Variants in PCDHB3 observed in about 807,000 individuals in gnomAD.
The protein encoded by PCDHB3 is protocadherin beta-3.
For synonymous variants in PCDHB3, 479 were observed against 456.0 expected (o/e 1.05, Z -0.64); for missense variants, 967 against 1,012.1 (o/e 0.96, Z 0.60).
Position 141,102,542 on chromosome 5 carries a change from C to T in PCDHB3, c.1893C>T (p.Ser631=), listed in dbSNP as rs13180104. ...AAGTGCGCACCGCCAGGCTGCTGAG[C>T]GAGCGCGACGCGGCCAAGCACAGGC... The part of the protein sequence containing the change: ...NGEVRTARLL[S]ERDAAKHRLV... Residue 631 remains serine, a synonymous_variant, in exon 1 of 1, where the codon AGC becomes AGT. Transcript: ENST00000231130. 1.9e-6 allele frequency: 3 copies of T among 1,608,370 alleles called. No homozygotes were observed. Among genetic ancestry groups the T allele is most frequent in the Non-Finnish European group, 1.7e-6 (2 of 1,179,624 alleles).
rs1271727349 is a variant in PCDHB3, at chr5:141,102,199, G to A, written c.1550G>A (p.Arg517Lys). The A allele has an allele frequency of 9.3e-6, 15 of 1,612,764 alleles. No homozygotes were observed. The Middle Eastern group carries it at 9.8e-4, about 105-fold the overall frequency. ...NADNGHLFAL[R>K]SLDYEALQAF... ...GACAACGGCCACCTGTTTGCCCTCAGGTCGCTGGACTACGAGGCCCTGCAG... is the reference window on the plus strand; with the variant it reads ...GACAACGGCCACCTGTTTGCCCTCAAGTCGCTGGACTACGAGGCCCTGCAG... The change falls in exon 1 of 1, where the codon AGG becomes AAG. Residue 517 changes from arginine to lysine, a missense_variant. Physicochemically the swap from Arg to Lys is conservative, Grantham distance 26 (BLOSUM62 2). Coordinates refer to ENST00000231130, the MANE Select transcript of PCDHB3 (RefSeq NM_018937.5).
In PCDHB3 at chr5:141,102,299, G is replaced by C. The variant is rs868976067; in HGVS notation, c.1650G>C (p.Leu550=). 6.2e-7 allele frequency: 1 copy of C among 1,611,606 alleles called. No homozygotes were observed. The highest frequency in any genetic ancestry group is 1.1e-5 in the South Asian group (1 of 90,980). ...GCAGCGAGGCGCTGGTGCGCGTGCT[G>C]GTGCTGGACGCCAACGACAACTCGC... The part of the protein sequence containing the change: ...ALSSEALVRV[L]VLDANDNSPF... Residue 550 remains leucine, a synonymous_variant, in exon 1 of 1, where the codon CTG becomes CTC. Transcript: ENST00000231130.
Position 141,101,869 on chromosome 5 carries a change from G to T in PCDHB3, c.1220G>T (p.Gly407Val). 1 of 1,613,920 alleles carries T rather than the reference G, an allele frequency of 6.2e-7. No individual in the cohort carries two copies. ...VENFYTLVSE[G>V]ALDRETRSEY... ...AATTTTTACACCCTAGTGTCAGAAG[G>T]CGCGCTGGACAGAGAGACCAGATCC... The change falls in exon 1 of 1, where the codon GGC becomes GTC. Residue 407 changes from glycine (G) to valine (V), a missense_variant. Transcript: ENST00000231130.
In PCDHB3 at chr5:141,101,676, A is replaced by G; in HGVS notation, c.1027A>G (p.Asn343Asp). ...AGTCCAGGTGGTTGATGTCAACGACAACCCACCGGAACTGACCTTGTCTTC... is the reference window on the plus strand; with the variant it reads ...AGTCCAGGTGGTTGATGTCAACGACGACCCACCGGAACTGACCTTGTCTTC... ...VIVQVVDVND[N>D]PPELTLSSVN... Residue 343 changes from asparagine to aspartate, a missense_variant, in exon 1 of 1, where the codon AAC becomes GAC. Physicochemically the swap from Asn to Asp is conservative, Grantham distance 23. Coordinates refer to ENST00000231130, the MANE Select transcript of PCDHB3 (RefSeq NM_018937.5). 1 of 1,614,016 alleles carries G rather than the reference A, an allele frequency of 6.2e-7. No individual in the cohort carries two copies.
chr5:141,103,318 TCTC>T lies in PCDHB3; in HGVS notation c.*281_*283del, dbSNP rs1482332931. On this transcript the variant is annotated 3_prime_UTR_variant, in exon 1 of 1. Coordinates refer to ENST00000231130, the MANE Select transcript of PCDHB3 (RefSeq NM_018937.5). ...TTTTCTGTAGTTAATCCTTGCATAT[TCTC>T]CTTTCATCCTGGCTTGCCAACGCAG... 2 of 301,844 alleles carry T rather than the reference TCTC, an allele frequency of 6.6e-6. No homozygotes were observed. Among genetic ancestry groups the T allele is most frequent in the African/African-American group, 4.3e-5 (2 of 46,352 alleles). The allele number at this position is 301,844 out of a possible 1,614,324, so 18.7% of individuals were successfully genotyped here.
Position 141,100,725 on chromosome 5 carries a change from G to T in PCDHB3, c.76G>T (p.Ala26Ser). ...LLFVFLGGSL[A>S]GSESRRYSVA... ...CTTTGTTTTTCTGGGAGGGTCTCTG[G>T]CTGGGTCCGAGTCAAGACGCTATTC... Residue 26 changes from alanine (A) to serine (S), a missense_variant, in exon 1 of 1, where the codon GCT becomes TCT. Physicochemically the swap from Ala to Ser is moderately conservative, Grantham distance 99 (BLOSUM62 1). Coordinates refer to ENST00000231130, the MANE Select transcript of PCDHB3 (RefSeq NM_018937.5). The T allele has an allele frequency of 6.2e-7, 1 of 1,614,064 alleles. No individual in the cohort carries two copies. Among genetic ancestry groups the T allele is most frequent in the Non-Finnish European group, 8.5e-7 (1 of 1,180,010 alleles).
chr5:141,103,179 A>T lies in PCDHB3; in HGVS notation c.*139A>T. On this transcript the variant is annotated 3_prime_UTR_variant, in exon 1 of 1. Transcript: ENST00000231130. ...ATAGAGCAAAATATCAAATCCAGGG[A>T]TGGCTTAGGTTTCATTAACAGTACT... 2 of 985,976 alleles carry T rather than the reference A, an allele frequency of 2.0e-6. No individual in the cohort carries two copies. Among genetic ancestry groups the T allele is most frequent in the Non-Finnish European group, 3.0e-6 (2 of 667,782 alleles). 61.1% of individuals were successfully genotyped at this position (985,976 alleles called of 1,614,324 possible). A position where few individuals can be genotyped will look rare whatever the true frequency, so the allele number is the denominator to read the frequency against.
Position 141,100,559 on chromosome 5 carries a change from C to G in PCDHB3, c.-91C>G, listed in dbSNP as rs1302008332. On this transcript the variant is annotated 5_prime_UTR_variant, in exon 1 of 1. Transcript: ENST00000231130. Reference sequence around the variant, plus strand: ...TGGAAAGGCTTATTCACTAGGCCGTCTACAAAGGTTGTGGGGCAAAAGACT... The same window carrying G: ...TGGAAAGGCTTATTCACTAGGCCGTGTACAAAGGTTGTGGGGCAAAAGACT... 17 of 1,044,000 alleles carry G rather than the reference C, an allele frequency of 1.6e-5. No individual in the cohort carries two copies. Among genetic ancestry groups the G allele is most frequent in the Non-Finnish European group, 2.3e-5 (16 of 705,200 alleles). 64.7% of individuals were successfully genotyped at this position (1,044,000 alleles called of 1,614,324 possible). A position where few individuals can be genotyped will look rare whatever the true frequency, so the allele number is the denominator to read the frequency against.
Position 141,102,272 on chromosome 5 carries a change from G to T in PCDHB3, c.1623G>T (p.Leu541Phe). The change falls in exon 1 of 1, where the codon TTG (leucine) becomes TTT (phenylalanine). Residue 541 changes from leucine (L) to phenylalanine (F), a missense_variant. Coordinates refer to ENST00000231130, the MANE Select transcript of PCDHB3 (RefSeq NM_018937.5). The part of the protein sequence containing the change: ...VGATDRGSPA[L>F]SSEALVRVLV... ...CCACAGACCGTGGCTCCCCGGCTTTGAGCAGCGAGGCGCTGGTGCGCGTGC... is the reference window on the plus strand; with the variant it reads ...CCACAGACCGTGGCTCCCCGGCTTTTAGCAGCGAGGCGCTGGTGCGCGTGC... The T allele has an allele frequency of 6.2e-7, 1 of 1,611,986 alleles. No individual in the cohort carries two copies. Among genetic ancestry groups the T allele is most frequent in the Non-Finnish European group, 8.5e-7 (1 of 1,179,790 alleles).
At position 141,103,147 on chromosome 5, in the gene PCDHB3, A is replaced by T; in HGVS notation, c.*107A>T. On this transcript the variant is annotated 3_prime_UTR_variant, in exon 1 of 1. Transcript: ENST00000231130. ...TTTTTTGGTCTGGTTCAAGGCAAGT[A>T]GCAAGAATAGAGCAAAATATCAAAT... The T allele has an allele frequency of 1.5e-6, 2 of 1,336,256 alleles. No individual in the cohort carries two copies. Among genetic ancestry groups the T allele is most frequent in the Non-Finnish European group, 2.1e-6 (2 of 973,130 alleles). The allele number at this position is 1,336,256 out of a possible 1,614,324, so 82.8% of individuals were successfully genotyped here.
chr5:141,100,951 C>A lies in PCDHB3; in HGVS notation c.302C>A (p.Pro101Gln). Residue 101 changes from proline (P) to glutamine (Q), a missense_variant, in exon 1 of 1, where the codon CCA (proline) becomes CAA (glutamine). Transcript: ENST00000231130. ...GAGGAGCTATGCGGCCCCACAGAACCATGCATACTACATTTTCAGATATTA... is the reference window on the plus strand; with the variant it reads ...GAGGAGCTATGCGGCCCCACAGAACAATGCATACTACATTTTCAGATATTA... The part of the protein sequence containing the change: ...DREELCGPTE[P>Q]CILHFQILLQ... 1 of 1,614,070 alleles carries A rather than the reference C, an allele frequency of 6.2e-7. No homozygotes were observed.
At position 141,101,301 on chromosome 5, in the gene PCDHB3, G is replaced by T; in HGVS notation, c.652G>T (p.Gly218Cys). ...CTTAACGCTCACCGCGCTGGACGGC[G>T]GCTCTCCCCCTCGGTCTGGGACAGC... is the stretch of plus-strand genomic sequence containing the variant. ...LSLTLTALDGGSPPRSGTAQI... is the reference protein window; with the variant it reads ...LSLTLTALDGCSPPRSGTAQI... Residue 218 changes from glycine to cysteine, a missense_variant, in exon 1 of 1, where the codon GGC becomes TGC. Gly to Cys is a radical substitution (Grantham distance 159). Transcript: ENST00000231130. The T allele has an allele frequency of 5.6e-6, 9 of 1,614,030 alleles. No individual in the cohort carries two copies. The highest frequency in any genetic ancestry group is 7.6e-6 in the Non-Finnish European group (9 of 1,179,914).
chr5:141,101,363 T>C lies in PCDHB3; in HGVS notation c.714T>C (p.Asn238=), dbSNP rs142840769. 6 of 1,614,004 alleles carry C rather than the reference T, an allele frequency of 3.7e-6. No homozygotes were observed. The African/African-American group carries it at 6.7e-5, about 18-fold the overall frequency. ...TCCAGGTCTTAGATATAAACGACAA[T>C]GCACCAGAATTTGCACAGCCGCTCT... ...INIQVLDIND[N]APEFAQPLYE... The change falls in exon 1 of 1, where the codon AAT becomes AAC. Residue 238 remains asparagine (N), a synonymous_variant. Coordinates refer to ENST00000231130, the MANE Select transcript of PCDHB3 (RefSeq NM_018937.5).
rs782605641 is a variant in PCDHB3 at position 141,102,256 on chromosome 5, G to A, written c.1607G>A (p.Arg536His). The change falls in exon 1 of 1, where the codon CGT (arginine) becomes CAT (histidine). Residue 536 changes from arginine to histidine, a missense_variant. Physicochemically the swap from Arg to His is conservative, Grantham distance 29. Coordinates refer to ENST00000231130, the MANE Select transcript of PCDHB3 (RefSeq NM_018937.5). ...GAGTTCCGCGTGGGCGCCACAGACCGTGGCTCCCCGGCTTTGAGCAGCGAG... is the reference window on the plus strand; with the variant it reads ...GAGTTCCGCGTGGGCGCCACAGACCATGGCTCCCCGGCTTTGAGCAGCGAG... ...AFEFRVGATD[R>H]GSPALSSEAL... The A allele has an allele frequency of 3.0e-5, 49 of 1,612,096 alleles. No individual in the cohort carries two copies. Among genetic ancestry groups the A allele is most frequent in the Admixed American group, 6.7e-5 (4 of 59,990 alleles).
Position 141,102,247 on chromosome 5 carries a change from C to T in PCDHB3, c.1598C>T (p.Ala533Val), listed in dbSNP as rs140379974. The T allele has an allele frequency of 6.2e-7, 1 of 1,612,356 alleles. No homozygotes were observed. Residue 533 changes from alanine to valine, a missense_variant, in exon 1 of 1, where the codon GCC (alanine) becomes GTC (valine). Ala to Val is a moderately conservative substitution (Grantham distance 64). Coordinates refer to ENST00000231130, the MANE Select transcript of PCDHB3 (RefSeq NM_018937.5). Reference sequence around the variant, plus strand: ...CAGGCGTTCGAGTTCCGCGTGGGCGCCACAGACCGTGGCTCCCCGGCTTTG... The same window carrying T: ...CAGGCGTTCGAGTTCCGCGTGGGCGTCACAGACCGTGGCTCCCCGGCTTTG... Reference protein sequence around the residue: ...ALQAFEFRVGATDRGSPALSS... With the variant: ...ALQAFEFRVGVTDRGSPALSS...
chr5:141,102,704 G>T lies in PCDHB3; in HGVS notation c.2055G>T (p.Leu685Phe), dbSNP rs782121055. ...EAAPAQAQAD[L>F]LTVYLVVALA... ...CACCGGCCCAGGCCCAGGCCGACTTGCTCACCGTCTACCTGGTGGTGGCAT... is the reference window on the plus strand; with the variant it reads ...CACCGGCCCAGGCCCAGGCCGACTTTCTCACCGTCTACCTGGTGGTGGCAT... The change falls in exon 1 of 1, where the codon TTG becomes TTT. Residue 685 changes from leucine (L) to phenylalanine (F), a missense_variant. By Grantham distance (22) the Leu-to-Phe change is conservative. Coordinates refer to ENST00000231130, the MANE Select transcript of PCDHB3 (RefSeq NM_018937.5). 175 of 1,611,774 alleles carry T rather than the reference G, an allele frequency of 1.1e-4. 1 individual carries two copies. The highest frequency in any genetic ancestry group is 1.4e-4 in the Non-Finnish European group (167 of 1,179,770).
At position 141,102,116 on chromosome 5, in the gene PCDHB3, G is replaced by A. The variant is rs1206872316; in HGVS notation, c.1467G>A (p.Ser489=). The A allele has an allele frequency of 5.6e-6, 9 of 1,612,862 alleles. No homozygotes were observed. Among genetic ancestry groups the A allele is most frequent in the Non-Finnish European group, 5.9e-6 (7 of 1,180,018 alleles). The part of the protein sequence containing the change: ...DSGTNAQVTY[S]LLPPQDPHLP... ...GCACCAACGCCCAGGTAACCTACTCGCTGCTGCCGCCCCAGGACCCGCACC... is the reference window on the plus strand; with the variant it reads ...GCACCAACGCCCAGGTAACCTACTCACTGCTGCCGCCCCAGGACCCGCACC... Residue 489 remains serine (S), a synonymous_variant, in exon 1 of 1, where the codon TCG becomes TCA. Coordinates refer to ENST00000231130, the MANE Select transcript of PCDHB3 (RefSeq NM_018937.5).
rs782018468 is a variant in PCDHB3 at position 141,101,567 on chromosome 5, T to C, written c.918T>C (p.Tyr306=). The change falls in exon 1 of 1, where the codon TAT becomes TAC. Residue 306 remains tyrosine, a synonymous_variant. Transcript: ENST00000231130. The part of the protein sequence containing the change: ...PITGDMQLVK[Y]LNFEAINSYE... ...CTGGTGATATGCAACTGGTCAAATA[T>C]TTGAATTTTGAAGCGATTAATAGTT... The C allele has an allele frequency of 3.9e-5, 63 of 1,614,028 alleles. No individual in the cohort carries two copies. The highest frequency in any genetic ancestry group is 5.1e-5 in the Non-Finnish European group (60 of 1,180,026).
Position 141,100,760 on chromosome 5 carries a change from G to C in PCDHB3, c.111G>C (p.Glu37Asp). 6.2e-7 allele frequency: 1 copy of C among 1,614,110 alleles called. No individual in the cohort carries two copies. The highest frequency in any genetic ancestry group is 8.5e-7 in the Non-Finnish European group (1 of 1,180,018). ...AGTCAAGACGCTATTCTGTGGCTGA[G>C]GAAAAAGAGAAGGGCTTTTTAATAG... ...GSESRRYSVAEEKEKGFLIAN... is the reference protein window; with the variant it reads ...GSESRRYSVADEKEKGFLIAN... Residue 37 changes from glutamate to aspartate, a missense_variant, in exon 1 of 1, where the codon GAG becomes GAC. Coordinates refer to ENST00000231130, the MANE Select transcript of PCDHB3 (RefSeq NM_018937.5).
Sources: gnomAD v4.1 joint callset for allele counts on GRCh38, gnomAD v4.1.1 for gene constraint, MANE v1.5 for transcripts, NCBI Gene and HGNC (gene_info 2026-07-23, HGNC 2026-07-21) for gene names.